Variants in SRMS observed in about 807,000 individuals in gnomAD.
SRMS encodes tyrosine-protein kinase Srms.
Under a neutral mutation model 43.5 loss-of-function variants are expected in SRMS, and 42 were observed. That is an observed-to-expected ratio of 0.97 (90% CI 0.75 to 1.25). SRMS has a LOEUF of 1.25. Among genes scored for constraint, SRMS ranks in the 50% most tolerant of loss-of-function variants. The probability of loss-of-function intolerance (pLI) is 0.00; values close to 1 mark genes in which losing one functional copy is unlikely to be tolerated. For missense variants in SRMS, 703 were observed against 681.0 expected (o/e 1.03, Z -0.36); for synonymous variants, 316 against 308.2 (o/e 1.03, Z -0.27).
chr20:63,543,133 A>G (rs1010250930), intron 3 of SRMS, among the ~76,000 whole-genome samples, 181 bp downstream of exon 3: 4 of 152,120 alleles, frequency 2.6e-5, no homozygotes, highest in Non-Finnish European at 1.5e-5. Flanking sequence ...CCTCAGAGGC[A>G]CCCGCAGAGA....
intron 1 of SRMS, 89 bp downstream of exon 1, chr20:63,547,019 A>G: frequency 8.5e-7 from 1 of 1,177,524 alleles, no homozygotes. Context: ...AGCCACGGAC[A>G]TGCGATTTCC....
At chr20:63,547,022 C>T (rs762636759) in intron 1 of SRMS, 86 bp downstream of exon 1, 21 of 1,219,098 alleles carry the variant, frequency 1.7e-5, no homozygotes, top group Admixed American at 4.9e-5. Flanking sequence ...CACGGACATG[C>T]GATTTCCAAC....
chr20:63,546,535 C>A (rs1412950458), intron 1 of SRMS, among the ~76,000 whole-genome samples: 1 of 152,052 alleles, frequency 6.6e-6, no homozygotes, highest in East Asian at 1.9e-4. Context: ...CAGTCCCAGC[C>A]CCTGCTCACC....
At position 63,541,237 on chromosome 20, in the gene SRMS, G is replaced by T; in HGVS notation, c.1239C>A (p.Gly413=). ...FSQKSDVWSF[G]VLLHEVFTYG... ...AGGTGAAAACCTCGTGCAGCAGGAC[G>T]CCGAAGGACCAGACGTCTGACTTCT... The change falls in exon 7 of 8, where the codon GGC becomes GGA. Residue 413 remains glycine, a synonymous_variant. Coordinates refer to ENST00000217188, the MANE Select transcript of SRMS (RefSeq NM_080823.4). 1.9e-6 allele frequency: 3 copies of T among 1,567,262 alleles called. No homozygotes were observed. The highest frequency in any genetic ancestry group is 1.7e-6 in the Non-Finnish European group (2 of 1,161,976).
intron 6 of SRMS, 38 bp downstream of exon 6, chr20:63,541,401 C>T: frequency 1.3e-6 from 2 of 1,564,166 alleles, no homozygotes; most frequent in Non-Finnish European, 1.7e-6. Flanking sequence ...TCCCCTCACC[C>T]ACCCCCTCTG....
In SRMS at chr20:63,539,298, C is replaced by A. The variant is rs1413344341; in HGVS notation, c.*1520G>T. Among the ~76,000 whole-genome samples the A allele has an allele frequency of 6.6e-6, 1 of 152,228 alleles. No homozygotes were observed. Among genetic ancestry groups the A allele is most frequent in the Non-Finnish European group, 1.5e-5 (1 of 68,026 alleles). On this transcript the variant is annotated 3_prime_UTR_variant, in exon 8 of 8. Transcript: ENST00000217188. ...GGGCCCCAGGAAGCCCCCGCGCTGCCTCCGTTCTCGGAGCCTCCGAGTGGC... is the reference window on the plus strand; with the variant it reads ...GGGCCCCAGGAAGCCCCCGCGCTGCATCCGTTCTCGGAGCCTCCGAGTGGC...
chr20:63,542,002 G>A (rs1048400271), intron 5 of SRMS, among the ~76,000 whole-genome samples, 161 bp downstream of exon 5: 1 of 152,210 alleles, frequency 6.6e-6, no homozygotes, highest in Non-Finnish European at 1.5e-5. Context: ...GCCCCCTGTT[G>A]GCTGGAGACC....
In SRMS at chr20:63,542,553, C is replaced by T. The variant is rs761225720; in HGVS notation, c.674G>A (p.Arg225Gln). The part of the protein sequence containing the change: ...QKAPRQDVWE[R>Q]PHSEFALGRK... ...CCCAAGGGCGAATTCGGAGTGTGGC[C>T]GCTCCCACACGTCCTGCCTCGGGGC... The change falls in exon 4 of 8, where the codon CGG becomes CAG. Residue 225 changes from arginine (R) to glutamine (Q), a missense_variant. Arg to Gln is a conservative substitution (Grantham distance 43, BLOSUM62 1). Transcript: ENST00000217188. 1.8e-5 allele frequency: 29 copies of T among 1,611,730 alleles called. No individual in the cohort carries two copies. The highest frequency in any genetic ancestry group is 2.7e-5 in the African/African-American group (2 of 74,886).
rs1003757918 is a variant in SRMS, at chr20:63,547,634, C to T, written c.-171G>A. 14 of 596,116 alleles carry T rather than the reference C, an allele frequency of 2.3e-5. No homozygotes were observed. Among genetic ancestry groups the T allele is most frequent in the Admixed American group, 7.7e-5 (2 of 26,118 alleles). 36.9% of individuals were successfully genotyped at this position (596,116 alleles called of 1,614,324 possible). ...AGGTCCCCTGGATCCAGGAGGCACA[C>T]GGTTCCCACCGGCGTCCGGGCTGGC... On this transcript the variant is annotated 5_prime_UTR_variant, in exon 1 of 8. In the 5' UTR this introduces an upstream ATG that the reference lacks. Transcript: ENST00000217188.
At chr20:63,545,025 C>T (rs1036521233) in intron 1 of SRMS, among the ~76,000 whole-genome samples, 1 of 152,208 alleles carries the variant, frequency 6.6e-6, no homozygotes, top group Non-Finnish European at 1.5e-5. Context: ...GACACCCCCT[C>T]GGAAAAGCCA....
chr20:63,540,162 G>C lies in SRMS; in HGVS notation c.*656C>G, dbSNP rs1242253577. On this transcript the variant is annotated 3_prime_UTR_variant, in exon 8 of 8. Transcript: ENST00000217188. ...CTGAGTGGGTCAGTCCCGGCTTACT[G>C]AGTGCTGTGTGCGTGAGTGGGTTTG... Among the ~76,000 whole-genome samples the C allele has an allele frequency of 1.3e-5, 2 of 152,232 alleles. No homozygotes were observed. The highest frequency in any genetic ancestry group is 2.9e-5 in the Non-Finnish European group (2 of 68,036).
rs143095006 is a variant in SRMS at position 63,547,161 on chromosome 20, G to A, written c.303C>T (p.Leu101=). The change falls in exon 1 of 8, where the codon CTC becomes CTT. Residue 101 remains leucine (L), a synonymous_variant. Transcript: ENST00000217188. ...CCTTGGCCACGTGGGTGATGGGCAC[G>A]AGCCCGGCGCTGGGCTGGCCCGAAA... ...RRLSGQPSAG[L]VPITHVAKAS... 8.4e-5 allele frequency: 135 copies of A among 1,610,032 alleles called. No homozygotes were observed. Among genetic ancestry groups the A allele is most frequent in the Non-Finnish European group, 1.0e-4 (123 of 1,178,354 alleles).
Position 63,539,186 on chromosome 20 carries a change from G to A in SRMS, c.*1632C>T, listed in dbSNP as rs2082689223. Among the ~76,000 whole-genome samples the A allele has an allele frequency of 6.6e-6, 1 of 152,188 alleles. No individual in the cohort carries two copies. Among genetic ancestry groups the A allele is most frequent in the African/African-American group, 2.4e-5 (1 of 41,446 alleles). On this transcript the variant is annotated 3_prime_UTR_variant, in exon 8 of 8. Coordinates refer to ENST00000217188, the MANE Select transcript of SRMS (RefSeq NM_080823.4). ...TGGGCAGGTGGCCAGGGTCCCAAAG[G>A]CTCAGATAAAGCCTCTTGCCTCCAC...
intron 3 of SRMS, 152 bp downstream of exon 3, chr20:63,543,162 G>T (rs543315464): frequency 2.2e-6 from 2 of 917,210 alleles, no homozygotes; most frequent in Non-Finnish European, 1.6e-6. Context: ...TGCTGGAACC[G>T]CTGGGATGCT....
In SRMS at chr20:63,540,981, G is replaced by A. The variant is rs772507082; in HGVS notation, c.1304C>T (p.Thr435Met). The A allele has an allele frequency of 1.1e-5, 17 of 1,608,748 alleles. No homozygotes were observed. The highest frequency in any genetic ancestry group is 2.2e-5 in the South Asian group (2 of 91,012). Residue 435 changes from threonine to methionine, a missense_variant, in exon 8 of 8, where the codon ACG (threonine) becomes ATG (methionine). Transcript: ENST00000217188. ...GTACCCTCGCATGATCTGCTGCAGC[G>A]TCTCGTGGTTGGTCATCCCTGGGAG... Reference protein sequence around the residue: ...CPYEGMTNHETLQQIMRGYRL... With the variant: ...CPYEGMTNHEMLQQIMRGYRL...
rs746463715 is a variant in SRMS, at chr20:63,541,490, G to A, written c.1077C>T (p.Asp359=). The change falls in exon 6 of 8, where the codon GAC becomes GAT. Residue 359 remains aspartate (D), a synonymous_variant. Transcript: ENST00000217188. The part of the protein sequence containing the change: ...RDLAARNVLV[D]DGLACKVADF... ...CAGCCACCTTGCAGGCCAGGCCGTCGTCCACGAGCACGTTCCGGGCGGCCA... is the reference window on the plus strand; with the variant it reads ...CAGCCACCTTGCAGGCCAGGCCGTCATCCACGAGCACGTTCCGGGCGGCCA... The A allele has an allele frequency of 1.2e-5, 20 of 1,608,614 alleles. No individual in the cohort carries two copies. The Admixed American group carries it at 2.0e-4, about 16-fold the overall frequency.
rs2082710649 is a variant in SRMS, at chr20:63,542,505, AAGTAGCCTTCACCC to A, written c.708_721del (p.Gly237TrpfsTer28). 6.2e-7 allele frequency: 1 copy of A among 1,612,540 alleles called. No individual in the cohort carries two copies. Among genetic ancestry groups the A allele is most frequent in the Non-Finnish European group, 8.5e-7 (1 of 1,179,864 alleles). On this transcript the variant is annotated frameshift_variant, in exon 4 of 8. Transcript: ENST00000217188. LOFTEE classifies it high-confidence loss of function. ...CCACAGGCCTTCCCACACCTCCCCA[AAGTAGCCTTCACCC>A]AGCTTCCTCCCAAGGGCGAATTCGG... is the stretch of plus-strand genomic sequence containing the variant.
At chr20:63,547,040 C>G in intron 1 of SRMS, 68 bp downstream of exon 1, 1 of 1,364,974 alleles carries the variant, frequency 7.3e-7, no homozygotes, top group Non-Finnish European at 9.9e-7. Context: ...AACTCAAAAT[C>G]CTGCCGTTGT....
At chr20:63,546,865 C>A (rs533377333) in intron 1 of SRMS, among the ~76,000 whole-genome samples, 5 of 152,356 alleles carry the variant, frequency 3.3e-5, no homozygotes, top group South Asian at 2.1e-4. Flanking sequence ...CTCCCCCCCA[C>A]AGGACCTGAC....
Sources: allele counts gnomAD v4.1 joint callset (sites outside exome capture counted in the v4.1 genomes callset), GRCh38; gene constraint gnomAD v4.1.1; transcripts MANE v1.5; gene names NCBI Gene and HGNC (gene_info 2026-07-23, HGNC 2026-07-21).